EEFSEC: variants seen among roughly 807,000 people sequenced by gnomAD.
EEFSEC encodes the protein eukaryotic elongation factor, selenocysteine-tRNA specific, also known as selenocysteine-specific elongation factor.
EEFSEC carries 43 observed loss-of-function variants against 42.1 expected under a neutral mutation model. The ratio of observed to expected loss-of-function variants is 1.02; its 90% CI spans 0.80 to 1.32. EEFSEC has a LOEUF of 1.32. EEFSEC is among the 40% of genes most tolerant of loss of function. The probability of loss-of-function intolerance (pLI) is 0.00; values close to 1 mark genes in which losing one functional copy is unlikely to be tolerated. For missense variants in EEFSEC, 745 were observed against 803.6 expected (o/e 0.93, Z 0.88); for synonymous variants, 354 against 339.1 (o/e 1.04, Z -0.48).
chr3:128,405,610 GC>G (rs2068100292), intron 6 of EEFSEC, among the ~76,000 whole-genome samples: 1 of 152,228 alleles, frequency 6.6e-6, no homozygotes, highest in Non-Finnish European at 1.5e-5. Flanking sequence ...GCCAGCCAGC[GC>G]TCCCAGTCTG....
intron 4 of EEFSEC, among the ~76,000 whole-genome samples, chr3:128,335,611 T>C (rs2067181570): frequency 1.3e-5 from 2 of 152,214 alleles, no homozygotes; most frequent in African/African-American, 4.8e-5. Flanking sequence ...ACTTCAGCTT[T>C]TACAGAGTGA....
intron 1 of EEFSEC, among the ~76,000 whole-genome samples, chr3:128,181,409 A>G (rs1047223007): frequency 6.6e-5 from 10 of 152,222 alleles, no homozygotes; most frequent in African/African-American, 2.4e-4. Flanking sequence ...TTGGCCCACA[A>G]GTGGGCATTC....
At chr3:128,412,327 C>T (rs68094955), downstream of EEFSEC, among the ~76,000 whole-genome samples, 9,762 of 152,280 alleles carry the variant, frequency 0.064, 702 homozygotes, top group East Asian at 0.38. Flanking sequence ...GAGTTGGTCC[C>T]GGCCCTGGCC....
At chr3:128,275,343 C>T (rs1252845632) in intron 4 of EEFSEC, among the ~76,000 whole-genome samples, 2 of 152,236 alleles carry the variant, frequency 1.3e-5, no homozygotes, top group African/African-American at 2.4e-5. Flanking sequence ...TGTCTGAAGA[C>T]CACTGCCTTT....
intron 4 of EEFSEC, among the ~76,000 whole-genome samples, chr3:128,316,510 AG>A (rs1408567238): frequency 2.0e-5 from 3 of 152,310 alleles, no homozygotes; most frequent in Non-Finnish European, 4.4e-5. Context: ...TATGATCGAC[AG>A]GCACGTGGTT....
chr3:128,416,157 G>A, the EEFSEC span, among the ~76,000 whole-genome samples: 2 of 152,184 alleles, frequency 1.3e-5, no homozygotes, highest in South Asian at 4.1e-4. Context: ...GCATCTCCCG[G>A]TGGCCGGAAG....
At chr3:128,421,291 C>A in the EEFSEC span, among the ~76,000 whole-genome samples, 1 of 152,236 alleles carries the variant, frequency 6.6e-6, no homozygotes, top group African/African-American at 2.4e-5. Context: ...GGCTCTGCCT[C>A]TCCAGCTGGG....
At chr3:128,416,329 C>T in the EEFSEC span, among the ~76,000 whole-genome samples, 96 of 152,284 alleles carry the variant, frequency 6.3e-4, no homozygotes, top group Admixed American at 1.3e-3. Context: ...CCTGGCCCAC[C>T]CTGCAGGACC....
chr3:128,406,565 A>C (rs770690998), intron 6 of EEFSEC, among the ~76,000 whole-genome samples: 15 of 152,232 alleles, frequency 9.9e-5, no homozygotes, highest in Non-Finnish European at 1.9e-4. Context: ...TGTGTTAATT[A>C]GTCTGATTTA....
chr3:128,327,871 G>A (rs1310354451), intron 4 of EEFSEC, among the ~76,000 whole-genome samples: 1 of 152,162 alleles, frequency 6.6e-6, no homozygotes, highest in Non-Finnish European at 1.5e-5. Context: ...AAGAAGTGAG[G>A]CCCAGTGACC....
chr3:128,321,410 G>A (rs1034618030), intron 4 of EEFSEC, among the ~76,000 whole-genome samples: 2 of 152,162 alleles, frequency 1.3e-5, no homozygotes, highest in African/African-American at 4.8e-5. Flanking sequence ...CACAGTGGGT[G>A]GAGAGGGGGA....
At chr3:128,253,263 C>T (rs773711714) in intron 2 of EEFSEC, among the ~76,000 whole-genome samples, 1 of 152,248 alleles carries the variant, frequency 6.6e-6, no homozygotes, top group Non-Finnish European at 1.5e-5. Context: ...GAGCCTCAGG[C>T]TCAGGGCGTG....
At chr3:128,338,409 T>G (rs1405293224) in intron 4 of EEFSEC, among the ~76,000 whole-genome samples, 1 of 152,112 alleles carries the variant, frequency 6.6e-6, no homozygotes, top group Non-Finnish European at 1.5e-5. Context: ...GTATATAATT[T>G]AAATCTGTCG....
chr3:128,363,413 C>T (rs986384302), intron 6 of EEFSEC, among the ~76,000 whole-genome samples: 1 of 152,230 alleles, frequency 6.6e-6, no homozygotes, highest in African/African-American at 2.4e-5. Flanking sequence ...CTCCCCACAC[C>T]ATGATGCCTT....
chr3:128,365,877 T>C (rs529566313), intron 6 of EEFSEC, among the ~76,000 whole-genome samples: 1 of 152,352 alleles, frequency 6.6e-6, no homozygotes, highest in African/African-American at 2.4e-5. Context: ...AGCCAAATCA[T>C]AGAGGCATCC....
At chr3:128,218,514 A>G (rs1267986607) in intron 1 of EEFSEC, among the ~76,000 whole-genome samples, 2 of 152,232 alleles carry the variant, frequency 1.3e-5, no homozygotes, top group African/African-American at 4.8e-5. Context: ...AAGCTGCTCA[A>G]CCGTCTTGAT....
intron 4 of EEFSEC, among the ~76,000 whole-genome samples, chr3:128,331,377 C>A (rs1440355028): frequency 1.9e-5 from 2 of 104,192 alleles, no homozygotes; most frequent in South Asian, 4.1e-4. Context: ...CACCCCTTCC[C>A]CAATGCATCT....
chr3:128,384,522 C>T (rs921781507), intron 6 of EEFSEC, among the ~76,000 whole-genome samples: 1 of 152,190 alleles, frequency 6.6e-6, no homozygotes, highest in Non-Finnish European at 1.5e-5. Context: ...GGGGGCCTTA[C>T]CAAAGCCCTG....
chr3:128,315,134 T>C (rs1032847824), intron 4 of EEFSEC, among the ~76,000 whole-genome samples: 6 of 152,198 alleles, frequency 3.9e-5, no homozygotes, highest in African/African-American at 7.2e-5. Flanking sequence ...TTCCTTGCTA[T>C]GTGACTTGGG....
Sources: gnomAD v4.1 joint callset for allele counts (sites outside exome capture counted in the v4.1 genomes callset) on GRCh38, gnomAD v4.1.1 for gene constraint, MANE v1.5 for transcripts, NCBI Gene and HGNC (gene_info 2026-07-23, HGNC 2026-07-21) for gene names.